The following ACAN variants were observed in gnomAD, a reference collection of about 807,000 sequenced individuals.
ACAN encodes the protein aggrecan.
Under a neutral mutation model 169.1 loss-of-function variants are expected in ACAN, and 47 were observed. The observed-to-expected ratio is 0.28, with a 90% confidence interval of 0.22 to 0.35. ACAN has a LOEUF of 0.35. Among genes scored for constraint, ACAN ranks in the 10% least tolerant of loss-of-function variants. The probability of loss-of-function intolerance (pLI) is 1.00; values close to 1 mark genes in which losing one functional copy is unlikely to be tolerated. For synonymous variants in ACAN, 1,115 were observed against 1,112.2 expected (o/e 1.00, Z -0.05); for missense variants, 2,716 against 2,759.9 (o/e 0.98, Z 0.36).
chr15:88,852,374 C>T (rs1896952166), intron 11 of ACAN, among the ~76,000 whole-genome samples: 1 of 152,232 alleles, frequency 6.6e-6, no homozygotes, highest in African/African-American at 2.4e-5. Flanking sequence ...CTTACCCTAA[C>T]CTCAACCCTC....
Position 88,856,805 on chromosome 15 carries a change from TAGAGG to T in ACAN, c.4224_4228del (p.Glu1408AspfsTer19), listed in dbSNP as rs1300420776. ...GTTCTAGAGACTACTGCCCCTGGAG[TAGAGG>T]AGATCAGCGGGCTTCCTTCTGGAGA... On this transcript the variant is annotated frameshift_variant, in exon 12 of 19. Transcript: ENST00000560601. LOFTEE classifies it high-confidence loss of function. 1.3e-6 allele frequency: 2 copies of T among 1,547,972 alleles called. No individual in the cohort carries two copies. Among genetic ancestry groups the T allele is most frequent in the Non-Finnish European group, 8.7e-7 (1 of 1,144,100 alleles).
rs11324188 is a variant in ACAN, at chr15:88,843,312, AG to A, written c.758-37del. ...CTCTCTGGGGATGCAGAGCAGGGGG[AG>A]GGGGGAGAAGACCCTTACCCAGCTG... On this transcript the variant is annotated intron_variant, in intron 5 of 18. Coordinates refer to ENST00000560601, the MANE Select transcript of ACAN (RefSeq NM_001369268.1). This position sits in a 1 kb window ranked among gnomAD's most constrained non-coding sequence, Gnocchi z 4.0. 1,508,966 of 1,511,226 alleles carry A rather than the reference AG, an allele frequency of 1. 753,353 individuals carry two copies. The highest frequency in any genetic ancestry group is 1 in the Non-Finnish European group (1,122,703 of 1,123,934). The allele number at this position is 1,511,226 out of a possible 1,614,324, so 93.6% of individuals were successfully genotyped here. A position where few individuals can be genotyped will look rare whatever the true frequency, so the allele number is the denominator to read the frequency against.
At chr15:88,824,155 T>A (rs1301132410) in intron 1 of ACAN, among the ~76,000 whole-genome samples, 1 of 152,008 alleles carries the variant, frequency 6.6e-6, no homozygotes, top group Non-Finnish European at 1.5e-5. Flanking sequence ...AAACCCCGTC[T>A]CTACTAAAAA....
rs1423762163 is a variant in ACAN, at chr15:88,873,709, C to T, written c.7448-133C>T. ...CAGCCAGCGGCTTCCAGATTCTTAG[C>T]GCTGCATGAAAACGTCCAGGGCTCA... On this transcript the variant is annotated intron_variant, in intron 17 of 18. Transcript: ENST00000560601. The surrounding 1 kb of genome is among the most constrained non-coding windows in gnomAD (Gnocchi z 7.5). The T allele has an allele frequency of 5.5e-6, 5 of 913,404 alleles. No individual in the cohort carries two copies. Among genetic ancestry groups the T allele is most frequent in the South Asian group, 1.7e-5 (1 of 58,062 alleles). The allele number at this position is 913,404 out of a possible 1,614,324, so 56.6% of individuals were successfully genotyped here. A position where few individuals can be genotyped will look rare whatever the true frequency, so the allele number is the denominator to read the frequency against.
intron 1 of ACAN, among the ~76,000 whole-genome samples, chr15:88,817,670 A>G (rs1294589553): frequency 6.6e-6 from 1 of 151,990 alleles, no homozygotes; most frequent in Non-Finnish European, 1.5e-5. Flanking sequence ...CCTGAGAAAC[A>G]TGGTGAAACC....
At position 88,841,062 on chromosome 15, in the gene ACAN, G is replaced by A. The variant is rs1013658299; in HGVS notation, c.630-678G>A. Among the ~76,000 whole-genome samples, 15 of 152,274 alleles carry A rather than the reference G, an allele frequency of 9.9e-5. 1 individual carries two copies. In the South Asian group the frequency reaches 2.1e-3, roughly 21 times the overall value. On this transcript the variant is annotated intron_variant, in intron 4 of 18. Coordinates refer to ENST00000560601, the MANE Select transcript of ACAN (RefSeq NM_001369268.1). ...CGGGAGGCTGAGGCAGGAGAATGGCGTGAACCCGGGAGGTGGAGCTTGCAG... is the reference window on the plus strand; with the variant it reads ...CGGGAGGCTGAGGCAGGAGAATGGCATGAACCCGGGAGGTGGAGCTTGCAG...
At chr15:88,835,808 A>G (rs1341202012) in intron 1 of ACAN, among the ~76,000 whole-genome samples, 2 of 152,146 alleles carry the variant, frequency 1.3e-5, no homozygotes, top group East Asian at 3.9e-4. Context: ...TATTCAATCT[A>G]CCAATTCCAA....
intron 6 of ACAN, 100 bp from the exon 7 acceptor site, chr15:88,845,405 G>A: frequency 2.7e-6 from 4 of 1,483,692 alleles, no homozygotes; most frequent in Non-Finnish European, 2.7e-6. Context: ...TGCCCCAGCA[G>A]GGAAGGAGGG....
At chr15:88,825,215 C>T (rs1030807559) in intron 1 of ACAN, among the ~76,000 whole-genome samples, 15 of 152,166 alleles carry the variant, frequency 9.9e-5, no homozygotes, top group Non-Finnish European at 1.8e-4. Context: ...AACATTCATC[C>T]TTTTCTGCCA....
intron 13 of ACAN, among the ~76,000 whole-genome samples, chr15:88,867,104 C>T (rs145071410): frequency 2.0e-5 from 3 of 152,268 alleles, no homozygotes; most frequent in African/African-American, 2.4e-5. Flanking sequence ...ACAGCAGGAA[C>T]CTTTGAAGTA....
intron 6 of ACAN, among the ~76,000 whole-genome samples, chr15:88,844,389 G>A (rs1296159851): frequency 3.2e-5 from 4 of 126,268 alleles, no homozygotes; most frequent in South Asian, 2.6e-4. Flanking sequence ...TATTATTATT[G>A]TTGAGACAGA....
At position 88,804,740 on chromosome 15, in the gene ACAN, C is replaced by T. The variant is rs1895634114; in HGVS notation, c.-8+931C>T. On this transcript the variant is annotated intron_variant, in intron 1 of 18. Coordinates refer to ENST00000560601, the MANE Select transcript of ACAN (RefSeq NM_001369268.1). ...CAGGATCCAACCCAAACTTTTCCAT[C>T]ATTATCCTCCTTTCAGTCATGAGCT... is the stretch of plus-strand genomic sequence containing the variant. Among the ~76,000 whole-genome samples the T allele has an allele frequency of 2.0e-5, 3 of 152,152 alleles. No individual in the cohort carries two copies. The South Asian group carries it at 6.2e-4, about 32-fold the overall frequency.
In ACAN at chr15:88,849,320, G is replaced by A; in HGVS notation, c.1733-118G>A. Reference sequence around the variant, plus strand: ...GAGTGGTCAAAAAAGGGGTGATGGAGCTGGGCTGGGTCTTAGCCCTGGTGA... The same window carrying A: ...GAGTGGTCAAAAAAGGGGTGATGGAACTGGGCTGGGTCTTAGCCCTGGTGA... On this transcript the variant is annotated intron_variant, in intron 9 of 18. Coordinates refer to ENST00000560601, the MANE Select transcript of ACAN (RefSeq NM_001369268.1). This position sits in a 1 kb window ranked among gnomAD's most constrained non-coding sequence, Gnocchi z 5.1. 1 of 1,031,768 alleles carries A rather than the reference G, an allele frequency of 9.7e-7. No individual in the cohort carries two copies. Among genetic ancestry groups the A allele is most frequent in the South Asian group, 1.8e-5 (1 of 56,030 alleles). The allele number at this position is 1,031,768 out of a possible 1,614,324, so 63.9% of individuals were successfully genotyped here.
rs767722402 is a variant in ACAN at position 88,843,673 on chromosome 15, GGGAGTTC to G, written c.1051+26_1051+32del. ...GGTGGGGCACGGCTGGTGGTGGGAA[GGGAGTTC>G]ATGCCACTAAAATGGGGTCCTAGAG... On this transcript the variant is annotated intron_variant, in intron 6 of 18. Coordinates refer to ENST00000560601, the MANE Select transcript of ACAN (RefSeq NM_001369268.1). This position sits in a 1 kb window ranked among gnomAD's most constrained non-coding sequence, Gnocchi z 4.0. 1 of 1,542,792 alleles carries G rather than the reference GGGAGTTC, an allele frequency of 6.5e-7. No individual in the cohort carries two copies. Among genetic ancestry groups the G allele is most frequent in the Non-Finnish European group, 8.8e-7 (1 of 1,138,046 alleles).
At chr15:88,823,382 G>T (rs989516831) in intron 1 of ACAN, among the ~76,000 whole-genome samples, 1 of 152,068 alleles carries the variant, frequency 6.6e-6, no homozygotes, top group Non-Finnish European at 1.5e-5. Context: ...GGAAGGGGCT[G>T]GTCCCTGGTA....
chr15:88,842,039 C>G (rs1896675712), intron 5 of ACAN, among the ~76,000 whole-genome samples, 172 bp downstream of exon 5: 2 of 152,130 alleles, frequency 1.3e-5, no homozygotes, highest in South Asian at 4.2e-4. Flanking sequence ...GTCTGCACCC[C>G]TCGCACTCCA....
At chr15:88,831,386 G>T (rs1485378015) in intron 1 of ACAN, among the ~76,000 whole-genome samples, 2 of 152,220 alleles carry the variant, frequency 1.3e-5, no homozygotes, top group African/African-American at 4.8e-5. Flanking sequence ...ATGTGAAGGG[G>T]TCTACCTCAT....
At chr15:88,853,749 GATAGATACATACATAC>G (rs1319775581) in intron 11 of ACAN, among the ~76,000 whole-genome samples, 124 of 124,666 alleles carry the variant, frequency 9.9e-4, no homozygotes, top group African/African-American at 3.7e-3. Context: ...TAGATAGATA[GATAGATACATACATAC>G]ATACATACAT....
At chr15:88,815,325 G>A (rs1215047388) in intron 1 of ACAN, among the ~76,000 whole-genome samples, 1 of 152,018 alleles carries the variant, frequency 6.6e-6, no homozygotes, top group Non-Finnish European at 1.5e-5. Flanking sequence ...TTGAGAGGCC[G>A]AGGTGGGAGG....
Sources: gnomAD v4.1 joint callset for allele counts (sites outside exome capture counted in the v4.1 genomes callset) on GRCh38, gnomAD v4.1.1 for gene constraint, Gnocchi (gnomAD v3.1) non-coding constraint, MANE v1.5 for transcripts, NCBI Gene and HGNC (gene_info 2026-07-23, HGNC 2026-07-21) for gene names.